The following MED13L variants were observed in gnomAD, a reference collection of about 807,000 sequenced individuals.
MED13L encodes mediator of RNA polymerase II transcription subunit 13-like.
Under a neutral mutation model 220.9 loss-of-function variants are expected in MED13L, and 7 were observed. The observed-to-expected ratio is 0.03, with a 90% CI of 0.02 to 0.06. The LOEUF (loss-of-function observed/expected upper bound fraction) is 0.06. Ranked by LOEUF, MED13L falls within the 10% of genes least tolerant of loss-of-function variation. MED13L has a pLI of 1.00. For missense variants in MED13L, 1,965 were observed against 2,760.5 expected (o/e 0.71, Z 6.46); for synonymous variants, 1,011 against 1,015.2 (o/e 1.00, Z 0.08).
At chr12:115,973,832 T>TA (rs1170269146) in intron 25 of MED13L, among the ~76,000 whole-genome samples, 31 of 152,292 alleles carry the variant, frequency 2.0e-4, no homozygotes, top group Middle Eastern at 3.4e-3. Context: ...ACTTATTACT[T>TA]AAAAAATTTG....
At chr12:116,186,934 C>T (rs1043881713) in intron 2 of MED13L, among the ~76,000 whole-genome samples, 1 of 152,166 alleles carries the variant, frequency 6.6e-6, no homozygotes, top group African/African-American at 2.4e-5. Context: ...TATAACTAAT[C>T]AAACCCATCT....
At chr12:116,060,163 T>C (rs1433573706) in intron 4 of MED13L, among the ~76,000 whole-genome samples, 1 of 152,140 alleles carries the variant, frequency 6.6e-6, no homozygotes, top group African/African-American at 2.4e-5. Context: ...ACTCTCATCA[T>C]TCTGTGGGCC....
Position 116,229,437 on chromosome 12 carries a change from CTTTT to C in MED13L, c.310+8027_310+8030del, listed in dbSNP as rs540782715. Among the ~76,000 whole-genome samples the C allele has an allele frequency of 2.6e-5, 4 of 151,970 alleles. No homozygotes were observed. In the South Asian group the frequency reaches 8.3e-4, roughly 32 times the overall value. ...CTTACCAACAAACTGAAAATTATAA[CTTTT>C]TTTTACCAATTCTTTAATTTTCATA... On this transcript the variant is annotated intron_variant, in intron 2 of 30. Coordinates refer to ENST00000281928, the MANE Select transcript of MED13L (RefSeq NM_015335.5).
intron 27 of MED13L, among the ~76,000 whole-genome samples, 174 bp from the exon 28 acceptor site, chr12:115,969,271 T>A (rs1876406834): frequency 6.6e-6 from 1 of 152,238 alleles, no homozygotes. Flanking sequence ...TATTACAAAT[T>A]ATTCTTTCAT....
intron 4 of MED13L, among the ~76,000 whole-genome samples, chr12:116,065,084 A>G (rs1327254151): frequency 6.6e-6 from 1 of 152,206 alleles, no homozygotes; most frequent in East Asian, 1.9e-4. Context: ...ATAAAATTTT[A>G]TAGGGAAAAT....
chr12:116,207,812 T>C (rs2138338532), intron 2 of MED13L, among the ~76,000 whole-genome samples: 1 of 152,162 alleles, frequency 6.6e-6, no homozygotes, highest in Middle Eastern at 3.4e-3. Flanking sequence ...CGTCTAAGTC[T>C]GTTCACTGAA....
chr12:116,276,574 G>C, intron 1 of MED13L: 1 of 1,232,766 alleles, frequency 8.1e-7, no homozygotes, highest in Non-Finnish European at 1.0e-6. Flanking sequence ...ACTATTTTAG[G>C]GCGAAATTGC....
chr12:115,963,273 T>C, intron 30 of MED13L, 134 bp downstream of exon 30: 1 of 747,964 alleles, frequency 1.3e-6, no homozygotes, highest in Non-Finnish European at 2.4e-6. Flanking sequence ...TCTCACTGAC[T>C]CATCAGATAC....
chr12:116,084,591 G>T (rs1447882663), intron 4 of MED13L, among the ~76,000 whole-genome samples: 1 of 151,934 alleles, frequency 6.6e-6, no homozygotes, highest in Non-Finnish European at 1.5e-5. Flanking sequence ...TTTGAAAGAG[G>T]TGAACTATTT....
At chr12:116,067,588 A>G (rs939520991) in intron 4 of MED13L, among the ~76,000 whole-genome samples, 5 of 152,208 alleles carry the variant, frequency 3.3e-5, no homozygotes, top group African/African-American at 1.2e-4. Context: ...AAACCTGACA[A>G]AACAAGCAAA....
At chr12:116,132,213 G>A (rs188979898) in intron 2 of MED13L, among the ~76,000 whole-genome samples, 3 of 147,750 alleles carry the variant, frequency 2.0e-5, no homozygotes, top group Non-Finnish European at 4.5e-5. Context: ...CTGAGAGGCA[G>A]AGACTGCAGT....
At chr12:116,164,924 A>G (rs1274081313) in intron 2 of MED13L, among the ~76,000 whole-genome samples, 1 of 152,240 alleles carries the variant, frequency 6.6e-6, no homozygotes, top group African/African-American at 2.4e-5. Flanking sequence ...TGCCACAGCA[A>G]TAACAAGCAA....
chr12:116,022,202 C>T (rs1236178304), intron 5 of MED13L, among the ~76,000 whole-genome samples: 2 of 152,092 alleles, frequency 1.3e-5, no homozygotes, highest in Non-Finnish European at 2.9e-5. Flanking sequence ...GAAGGAAATT[C>T]TACATTTTAT....
Position 116,237,623 on chromosome 12 carries a change from T to C in MED13L, c.155A>G (p.Gln52Arg). The C allele has an allele frequency of 1.9e-6, 3 of 1,614,176 alleles. No individual in the cohort carries two copies. Among genetic ancestry groups the C allele is most frequent in the East Asian group, 2.2e-5 (1 of 44,886 alleles). ...DCGPIISAPA[Q>R]DDPILLSFIR... is the part of the protein sequence containing the mutation. ...GAAACTTAACAGAATTGGATCATCT[T>C]GGGCTGGGGCTGAAATTATGGGTCC... The change falls in exon 2 of 31, where the codon CAA becomes CGA. Residue 52 changes from glutamine to arginine, a missense_variant. Physicochemically the swap from Gln to Arg is conservative, Grantham distance 43. Around this residue, in one of 10 missense-constraint regions of MED13L, gnomAD observed 818 missense variants for 1,041.2 expected, o/e 0.79. Transcript: ENST00000281928.
At chr12:116,067,341 T>C (rs1173521774) in intron 4 of MED13L, among the ~76,000 whole-genome samples, 1 of 152,170 alleles carries the variant, frequency 6.6e-6, no homozygotes, top group African/African-American at 2.4e-5. Flanking sequence ...ATATACGTTA[T>C]GAAGCATATA....
chr12:115,968,362 G>T (rs776178068), intron 28 of MED13L, among the ~76,000 whole-genome samples: 2 of 152,082 alleles, frequency 1.3e-5, no homozygotes, highest in African/African-American at 4.8e-5. Context: ...GTAAGCTCTG[G>T]TTTTTTCCTT....
chr12:116,147,288 T>G (rs186141659), intron 2 of MED13L, among the ~76,000 whole-genome samples: 6 of 152,306 alleles, frequency 3.9e-5, no homozygotes, highest in Admixed American at 3.3e-4. Context: ...AAAATAAATA[T>G]TAACACCTGA....
chr12:116,254,924 C>A (rs755626977), intron 1 of MED13L, among the ~76,000 whole-genome samples: 10 of 152,094 alleles, frequency 6.6e-5, no homozygotes, highest in Non-Finnish European at 1.5e-4. Context: ...AGAGCCAGAC[C>A]ATGTTCATGA....
chr12:116,137,411 A>G (rs1593087153), intron 2 of MED13L, among the ~76,000 whole-genome samples: 2 of 152,180 alleles, frequency 1.3e-5, no homozygotes, highest in Admixed American at 6.5e-5. Flanking sequence ...GGAATTATGT[A>G]ATTTTCTCAA....
Sources: allele counts gnomAD v4.1 joint callset (sites outside exome capture counted in the v4.1 genomes callset), GRCh38; gene constraint gnomAD v4.1.1; regional missense constraint gnomAD v4.1.1; transcripts MANE v1.5; gene names NCBI Gene and HGNC (gene_info 2026-07-23, HGNC 2026-07-21).